The following NOC3L variants were observed in gnomAD, a reference collection of about 807,000 sequenced individuals.
NOC3L encodes the protein nucleolar complex protein 3 homolog.
NOC3L carries 85 observed loss-of-function variants against 102.5 expected under a neutral mutation model. The ratio of observed to expected loss-of-function variants is 0.83; its 90% CI spans 0.70 to 0.99. NOC3L has a LOEUF of 0.99. NOC3L is among the 50% of genes least tolerant of loss of function. The probability of loss-of-function intolerance (pLI) is 0.00; values close to 1 mark genes in which losing one functional copy is unlikely to be tolerated. For synonymous variants in NOC3L, 303 were observed against 309.4 expected (o/e 0.98, Z 0.22); for missense variants, 878 against 914.9 (o/e 0.96, Z 0.52).
rs1359075348 is a variant in NOC3L, at chr10:94,362,918, G to C, written c.-80C>G. 6.8e-6 allele frequency: 11 copies of C among 1,608,668 alleles called. No individual in the cohort carries two copies. The highest frequency in any genetic ancestry group is 1.7e-5 in the Admixed American group (1 of 59,978). On this transcript the variant is annotated 5_prime_UTR_variant, in exon 1 of 21. Coordinates refer to ENST00000371361, the MANE Select transcript of NOC3L (RefSeq NM_022451.11). ...ACAGAAATCCCGGGGAATGACACAC[G>C]TGCCGAAGTCCCTACACTACCAGAG...
chr10:94,354,859 G>A, intron 6 of NOC3L, 104 bp downstream of exon 6: 1 of 1,132,372 alleles, frequency 8.8e-7, no homozygotes, highest in South Asian at 1.7e-5. Context: ...TTTAGTTAAT[G>A]CTTTTCCTTT....
the NOC3L span, chr10:94,325,014 C>G: frequency 6.2e-7 from 1 of 1,614,120 alleles, no homozygotes; most frequent in South Asian, 1.1e-5. Context: ...CAGAAAGTAT[C>G]CAAACCAAGG....
rs758356725 is a variant in NOC3L, at chr10:94,362,884, A to G, written c.-46T>C. The G allele has an allele frequency of 6.8e-6, 11 of 1,613,750 alleles. No homozygotes were observed. The African/African-American group carries it at 1.1e-4, about 16-fold the overall frequency. On this transcript the variant is annotated 5_prime_UTR_variant, in exon 1 of 21. Coordinates refer to ENST00000371361, the MANE Select transcript of NOC3L (RefSeq NM_022451.11). ...CCGGCCAGACAAGTTCACCAGAAGC[A>G]GGGTTACTACAGAAATCCCGGGGAA...
chr10:94,331,682 T>C (rs2054157250), downstream of NOC3L: 2 of 152,166 alleles, frequency 1.3e-5, no homozygotes, highest in South Asian at 2.1e-4. Context: ...TTGTCTCTTA[T>C]ACAGAGTCTA....
intron 14 of NOC3L, 25 bp from the exon 15 acceptor site, chr10:94,340,521 AG>A (rs531042277): frequency 7.9e-6 from 7 of 884,476 alleles, no homozygotes; most frequent in South Asian, 5.5e-5. Flanking sequence ...GGGGGGGGTG[AG>A]GGGGATGGAA....
the NOC3L span, chr10:94,324,705 T>C: frequency 1.0e-6 from 1 of 1,004,966 alleles, no homozygotes; most frequent in Non-Finnish European, 1.5e-6. Context: ...ATTGTTTGGC[T>C]TTGTTTTCAC....
At position 94,361,849 on chromosome 10, in the gene NOC3L, T is replaced by A; in HGVS notation, c.33A>T (p.Pro11=). 1 of 1,611,818 alleles carries A rather than the reference T, an allele frequency of 6.2e-7. No individual in the cohort carries two copies. The highest frequency in any genetic ancestry group is 8.5e-7 in the Non-Finnish European group (1 of 1,178,992). ...TAGTTTTTATTAACTTGCGAAAGCT[T>A]GGGATCTGTTTTTTATTTCTTCTCT... The part of the protein sequence containing the change: MKARRNKKQI[P]SFRKLIKTSK... Residue 11 remains proline, a synonymous_variant, in exon 2 of 21, where the codon CCA becomes CCT. Coordinates refer to ENST00000371361, the MANE Select transcript of NOC3L (RefSeq NM_022451.11).
In NOC3L at chr10:94,341,571, A is replaced by C. The variant is rs1371713980; in HGVS notation, c.1644+102T>G. 7 of 503,758 alleles carry C rather than the reference A, an allele frequency of 1.4e-5. No individual in the cohort carries two copies. In the East Asian group the frequency reaches 2.2e-4, roughly 16 times the overall value. 31.2% of individuals were successfully genotyped at this position (503,758 alleles called of 1,614,324 possible). ...AAAATTCATAAACTGTACATCTAAA[A>C]GGGGTTTTACTGTATACAAAATATA... On this transcript the variant is annotated intron_variant, in intron 14 of 20. Transcript: ENST00000371361.
the NOC3L span, among the ~76,000 whole-genome samples, chr10:94,321,064 C>T: frequency 6.6e-5 from 10 of 152,246 alleles, no homozygotes; most frequent in African/African-American, 2.2e-4. Context: ...TAATCTAATT[C>T]TCATAATTTT....
the NOC3L span, chr10:94,324,305 G>A: frequency 1.4e-6 from 2 of 1,466,176 alleles, no homozygotes; most frequent in Non-Finnish European, 1.9e-6. Flanking sequence ...GCAAATGTTG[G>A]AGATTCTGTG....
chr10:94,326,635 T>C, the NOC3L span, among the ~76,000 whole-genome samples: 3 of 152,304 alleles, frequency 2.0e-5, no homozygotes, highest in East Asian at 5.8e-4. Context: ...CATTAGAAAT[T>C]TGACTTAAAA....
the NOC3L span, among the ~76,000 whole-genome samples, chr10:94,316,156 C>T: frequency 6.6e-6 from 1 of 152,058 alleles, no homozygotes; most frequent in African/African-American, 2.4e-5. Flanking sequence ...AGAAGATGAC[C>T]GAGTATTTCC....
chr10:94,326,335 C>CA, the NOC3L span, among the ~76,000 whole-genome samples: 1 of 152,218 alleles, frequency 6.6e-6, no homozygotes, highest in South Asian at 2.1e-4. Context: ...TAAAACAGCC[C>CA]AAAAGAAGGC....
At position 94,334,681 on chromosome 10, in the gene NOC3L, C is replaced by G; in HGVS notation, c.2227G>C (p.Glu743Gln). ...TELFEAYSMA[E>Q]MTFNPPVESS... ...TCAACAGGAGGATTGAATGTCATTT[C>G]TGCCATGCTATATGCCTCAAAAAGT... is the stretch of plus-strand genomic sequence containing the variant. The change falls in exon 20 of 21, where the codon GAA becomes CAA. Residue 743 changes from glutamate (E) to glutamine (Q), a missense_variant. Physicochemically the swap from Glu to Gln is conservative, Grantham distance 29. Transcript: ENST00000371361. The G allele has an allele frequency of 6.2e-7, 1 of 1,613,230 alleles. No individual in the cohort carries two copies. Among genetic ancestry groups the G allele is most frequent in the Non-Finnish European group, 8.5e-7 (1 of 1,179,752 alleles).
At position 94,350,486 on chromosome 10, in the gene NOC3L, A is replaced by C. The variant is rs2054401631; in HGVS notation, c.953-198T>G. Among the ~76,000 whole-genome samples the C allele has an allele frequency of 2.6e-5, 4 of 152,098 alleles. No homozygotes were observed. The South Asian group carries it at 8.3e-4, about 32-fold the overall frequency. Reference sequence around the variant, plus strand: ...AGCACTTTGGGAGGCCAAGGTGGGCAGATCACGAGCTCAGGAGATTGAGAC... The same window carrying C: ...AGCACTTTGGGAGGCCAAGGTGGGCCGATCACGAGCTCAGGAGATTGAGAC... On this transcript the variant is annotated intron_variant, in intron 8 of 20. Coordinates refer to ENST00000371361, the MANE Select transcript of NOC3L (RefSeq NM_022451.11).
intron 2 of NOC3L, among the ~76,000 whole-genome samples, chr10:94,358,803 C>T (rs1311912472): frequency 6.6e-6 from 1 of 152,170 alleles, no homozygotes; most frequent in African/African-American, 2.4e-5. Flanking sequence ...ACTCCACTTT[C>T]TATCTACCTG....
the NOC3L span, among the ~76,000 whole-genome samples, chr10:94,317,820 G>A: frequency 1.2e-4 from 19 of 152,196 alleles, no homozygotes; most frequent in Admixed American, 5.2e-4. Context: ...ACAGTCATGC[G>A]TCATGACATG....
At position 94,333,765 on chromosome 10, in the gene NOC3L, A is replaced by G. The variant is rs1269484657; in HGVS notation, c.*412T>C. 1 of 152,788 alleles carries G rather than the reference A, an allele frequency of 6.5e-6. No individual in the cohort carries two copies. Among genetic ancestry groups the G allele is most frequent in the Non-Finnish European group, 1.5e-5 (1 of 68,460 alleles). 9.5% of individuals were successfully genotyped at this position (152,788 alleles called of 1,614,324 possible). A position where few individuals can be genotyped will look rare whatever the true frequency, so the allele number is the denominator to read the frequency against. On this transcript the variant is annotated 3_prime_UTR_variant, in exon 21 of 21. Coordinates refer to ENST00000371361, the MANE Select transcript of NOC3L (RefSeq NM_022451.11). ...ACAGTATTGAAATAAAAATATTTAA[A>G]GAGTATTTAGTTATAAAAAGTAGCT...
At chr10:94,327,897 T>C in the NOC3L span, 4 of 479,606 alleles carry the variant, frequency 8.3e-6, no homozygotes, top group South Asian at 6.4e-5. Flanking sequence ...CTCTGAACCC[T>C]TGGTATACCG....
Sources: allele counts gnomAD v4.1 joint callset (sites outside exome capture counted in the v4.1 genomes callset), GRCh38; gene constraint gnomAD v4.1.1; transcripts MANE v1.5; gene names NCBI Gene and HGNC (gene_info 2026-07-23, HGNC 2026-07-21).